The following NOTCH2NLA variants were observed in gnomAD, a reference collection of about 807,000 sequenced individuals.
NOTCH2NLA encodes notch 2 N-terminal like A.
chr1:146,174,611 G>A (rs1553807754), intron 2 of NOTCH2NLA, among the ~76,000 whole-genome samples: 1 of 141,744 alleles, frequency 7.1e-6, no homozygotes, highest in African/African-American at 2.5e-5. Context: ...CGTCGGCACT[G>A]CAGCTGCTCC....
intron 2 of NOTCH2NLA, among the ~76,000 whole-genome samples, chr1:146,175,419 AG>A (rs1162972658): frequency 1.6e-5 from 2 of 122,536 alleles, no homozygotes; most frequent in African/African-American, 2.7e-5. Context: ...CTCAGCAAGA[AG>A]GAAAAACAAA....
At chr1:146,180,091 G>A (rs1553808978) in intron 2 of NOTCH2NLA, among the ~76,000 whole-genome samples, 2 of 142,642 alleles carry the variant, frequency 1.4e-5, no homozygotes, top group African/African-American at 2.4e-5. Flanking sequence ...TGTTTGAAAA[G>A]TGAGGATTCT....
intron 1 of NOTCH2NLA, among the ~76,000 whole-genome samples, chr1:146,197,310 A>G: frequency 1.2e-5 from 1 of 80,938 alleles, no homozygotes; most frequent in African/African-American, 5.3e-5. Context: ...TATTTTTTGT[A>G]TTACTAACAG....
intron 3 of NOTCH2NLA, among the ~76,000 whole-genome samples, chr1:146,159,405 A>AAGAG (rs1340576901): frequency 3.3e-4 from 44 of 134,638 alleles, no homozygotes; most frequent in Non-Finnish European, 3.3e-5. Context: ...GAAAGAAAGA[A>AAGAG]AGAAAGAAAG....
rs1445628342 is a variant in NOTCH2NLA at position 146,175,355 on chromosome 1, AC to A, written c.39-10346del. On this transcript the variant is annotated intron_variant, in intron 2 of 4. Transcript: ENST00000362074. Reference sequence around the variant, plus strand: ...TCTTGCCATTCCCACTCTACTCTCAACCCCCCCTTCTCTCAAATAAAAAGAA... The same window carrying A: ...TCTTGCCATTCCCACTCTACTCTCAACCCCCCTTCTCTCAAATAAAAAGAA... Among the ~76,000 whole-genome samples the A allele has an allele frequency of 1.1e-4, 14 of 131,480 alleles. 1 individual carries two copies. The highest frequency in any genetic ancestry group is 3.0e-4 in the African/African-American group (11 of 37,180). The allele number at this position is 131,480 out of a possible 152,430, so 86.3% of individuals were successfully genotyped here.
intron 2 of NOTCH2NLA, among the ~76,000 whole-genome samples, chr1:146,187,998 A>G (rs1662867399): frequency 1.5e-5 from 2 of 135,222 alleles, no homozygotes; most frequent in Non-Finnish European, 3.4e-5. Context: ...GAAGAAAATT[A>G]TTTCTGACTT....
At chr1:146,198,725 C>A in intron 1 of NOTCH2NLA, among the ~76,000 whole-genome samples, 1 of 50,132 alleles carries the variant, frequency 2.0e-5, no homozygotes. Context: ...TGTATTTGTA[C>A]TATTATCAAG....
In NOTCH2NLA at chr1:146,159,185, C is replaced by T. The variant is rs1307594934; in HGVS notation, c.299-2370G>A. Among the ~76,000 whole-genome samples, 29 of 151,924 alleles carry T rather than the reference C, an allele frequency of 1.9e-4. 1 individual carries two copies. In the East Asian group the frequency reaches 5.4e-3, roughly 29 times the overall value. Reference sequence around the variant, plus strand: ...CCAGCCTGGCCAACACGGTGAAACGCCATCTTTTCTAAAAATACAAAAATT... The same window carrying T: ...CCAGCCTGGCCAACACGGTGAAACGTCATCTTTTCTAAAAATACAAAAATT... On this transcript the variant is annotated intron_variant, in intron 3 of 4. Coordinates refer to ENST00000362074, the Ensembl canonical transcript of NOTCH2NLA.
intron 3 of NOTCH2NLA, among the ~76,000 whole-genome samples, chr1:146,158,935 TGAAG>T (rs1208538798): frequency 6.6e-6 from 1 of 151,014 alleles, no homozygotes; most frequent in East Asian, 2.0e-4. Flanking sequence ...AGACAGAAAA[TGAAG>T]GAACTGCAAT....
At chr1:146,186,098 A>C (rs1447382458) in intron 2 of NOTCH2NLA, among the ~76,000 whole-genome samples, 1 of 134,198 alleles carries the variant, frequency 7.5e-6, no homozygotes, top group African/African-American at 2.5e-5. Flanking sequence ...TTGTCCACTT[A>C]TGTTGACCCT....
intron 3 of NOTCH2NLA, 98 bp downstream of exon 3, chr1:146,164,653 T>TG (rs1360387762): frequency 7.9e-6 from 6 of 759,420 alleles, no homozygotes; most frequent in Non-Finnish European, 1.4e-5. Flanking sequence ...GCACCAGAGC[T>TG]GGGGGACATT....
chr1:146,154,010 CA>C (rs1661019748), downstream of NOTCH2NLA: 72 of 45,212 alleles, frequency 1.6e-3, no homozygotes, highest in East Asian at 0.059. Context: ...ACGCCATACA[CA>C]CACACACACA....
intron 3 of NOTCH2NLA, among the ~76,000 whole-genome samples, chr1:146,159,966 C>CA (rs782308523): frequency 0.16 from 1,157 of 7,434 alleles, 310 homozygotes; most frequent in African/African-American, 0.23. Flanking sequence ...TACTCCATCT[C>CA]AAAAAAAAAA....
At chr1:146,159,447 GA>G (rs1661373612) in intron 3 of NOTCH2NLA, among the ~76,000 whole-genome samples, 2 of 135,788 alleles carry the variant, frequency 1.5e-5, no homozygotes, top group South Asian at 2.5e-4. Flanking sequence ...AAGAAAGAAA[GA>G]GAAAGAAAGA....
At chr1:146,198,713 T>C (rs1232695927) in intron 1 of NOTCH2NLA, among the ~76,000 whole-genome samples, 1 of 45,592 alleles carries the variant, frequency 2.2e-5, no homozygotes, top group Non-Finnish European at 4.9e-5. Flanking sequence ...TGTTCCACTA[T>C]CTGTATTTGT....
chr1:146,166,372 CAG>C (rs1189742602), intron 2 of NOTCH2NLA, among the ~76,000 whole-genome samples: 2 of 151,436 alleles, frequency 1.3e-5, no homozygotes, highest in Non-Finnish European at 2.9e-5. Flanking sequence ...GGAACTAAGA[CAG>C]AAAATGCCCA....
At chr1:146,161,797 T>G (rs587746506) in intron 3 of NOTCH2NLA, among the ~76,000 whole-genome samples, 1 of 46,948 alleles carries the variant, frequency 2.1e-5, no homozygotes, top group Non-Finnish European at 3.6e-5. Flanking sequence ...ATCAGTCTAC[T>G]ACTCCAGAAC....
intron 1 of NOTCH2NLA, among the ~76,000 whole-genome samples, chr1:146,223,934 A>G (rs1159750458): frequency 1.5e-5 from 2 of 136,930 alleles, no homozygotes; most frequent in East Asian, 4.1e-4. Flanking sequence ...TTTGGGGCAC[A>G]TGCCAGACAA....
At chr1:146,174,461 C>T (rs2596039) in intron 2 of NOTCH2NLA, among the ~76,000 whole-genome samples, 1 of 141,326 alleles carries the variant, frequency 7.1e-6, no homozygotes, top group Non-Finnish European at 1.5e-5. Flanking sequence ...ACAACAACAA[C>T]AACAACAAAG....
Sources: gnomAD v4.1 joint callset for allele counts (sites outside exome capture counted in the v4.1 genomes callset) on GRCh38, gnomAD v4.1.1 for gene constraint, MANE v1.5 for transcripts, NCBI Gene and HGNC (gene_info 2026-07-23, HGNC 2026-07-21) for gene names.